ATP2C1: variants seen among roughly 807,000 people sequenced by gnomAD.
ATP2C1 encodes ATPase secretory pathway Ca2+ transporting 1.
Under a neutral mutation model 120.5 loss-of-function variants are expected in ATP2C1, and 31 were observed. The observed-to-expected ratio is 0.26, with a 90% CI of 0.19 to 0.35. ATP2C1 has a LOEUF of 0.35. Among genes scored for constraint, ATP2C1 ranks in the 10% least tolerant of loss-of-function variants. The probability of loss-of-function intolerance (pLI) is 1.00; values close to 1 mark genes in which losing one functional copy is unlikely to be tolerated. For missense variants in ATP2C1, 731 were observed against 1,107.5 expected (o/e 0.66, Z 4.83); for synonymous variants, 351 against 358.7 (o/e 0.98, Z 0.24).
intron 8 of ATP2C1, among the ~76,000 whole-genome samples, chr3:130,946,050 T>C (rs1003958457): frequency 5.3e-5 from 8 of 152,210 alleles, no homozygotes; most frequent in African/African-American, 1.7e-4. Context: ...TTGTGGTTCA[T>C]GTGCTTATAG....
chr3:130,870,327 T>C (rs888165555), intron 1 of ATP2C1, among the ~76,000 whole-genome samples: 1 of 152,226 alleles, frequency 6.6e-6, no homozygotes, highest in Non-Finnish European at 1.5e-5. Flanking sequence ...CTTTCAAGTC[T>C]TATTATTTAA....
At chr3:131,014,382 T>C in intron 26 of ATP2C1, 2 of 1,583,950 alleles carry the variant, frequency 1.3e-6, no homozygotes, top group Non-Finnish European at 1.7e-6. Context: ...GCTTCCACTG[T>C]ACAGTCTGTT....
chr3:130,955,709 G>A, intron 10 of ATP2C1: 1 of 216,674 alleles, frequency 4.6e-6, no homozygotes, highest in Non-Finnish European at 9.3e-6. Flanking sequence ...AGTTGAGGGA[G>A]GATTAAAAGA....
intron 2 of ATP2C1, among the ~76,000 whole-genome samples, chr3:130,907,919 A>G (rs528630140): frequency 1.3e-5 from 2 of 152,198 alleles, no homozygotes; most frequent in East Asian, 3.9e-4. Flanking sequence ...TTTGAGTACT[A>G]TGTTTGGGTG....
chr3:130,945,124 CCTGAGAGGCACTGATGGAG>C (rs1220887922), intron 8 of ATP2C1, among the ~76,000 whole-genome samples: 1 of 152,066 alleles, frequency 6.6e-6, no homozygotes, highest in Non-Finnish European at 1.5e-5. Context: ...CCAGCAGGAG[CCTGAGAGGCACTGATGGAG>C]CTAGGACAGT....
At chr3:130,947,470 C>G (rs986384702) in intron 8 of ATP2C1, among the ~76,000 whole-genome samples, 1 of 152,162 alleles carries the variant, frequency 6.6e-6, no homozygotes, top group African/African-American at 2.4e-5. Context: ...CACTAATCTG[C>G]TTGCCACTGA....
Position 130,883,927 on chromosome 3 carries a change from C to A in ATP2C1, c.108+32999C>A, listed in dbSNP as rs575740375. Reference sequence around the variant, plus strand: ...CTTTCTTAATTTCTTTTCTTTCTTTCTTTCTTTTTCTTTTCTTCTTTTTTT... The same window carrying A: ...CTTTCTTAATTTCTTTTCTTTCTTTATTTCTTTTTCTTTTCTTCTTTTTTT... On this transcript the variant is annotated intron_variant, in intron 1 of 26. Coordinates refer to the ATP2C1 transcript ENST00000504381. Among the ~76,000 whole-genome samples, 652 of 141,302 alleles carry A rather than the reference C, an allele frequency of 4.6e-3. 4 individuals are homozygous for A. Among genetic ancestry groups the A allele is most frequent in the African/African-American group, 0.015 (589 of 38,784 alleles). The allele number at this position is 141,302 out of a possible 152,430, so 92.7% of individuals were successfully genotyped here.
At chr3:130,906,481 G>A (rs989576746) in intron 2 of ATP2C1, among the ~76,000 whole-genome samples, 2 of 152,018 alleles carry the variant, frequency 1.3e-5, no homozygotes, top group African/African-American at 4.8e-5. Flanking sequence ...GAGCATTCAT[G>A]TATGGGTTTT....
At chr3:130,974,542 G>T (rs2061462904) in intron 17 of ATP2C1, among the ~76,000 whole-genome samples, 1 of 152,220 alleles carries the variant, frequency 6.6e-6, no homozygotes, top group Non-Finnish European at 1.5e-5. Flanking sequence ...CCTCCCAGGA[G>T]AACTGGGATA....
intron 2 of ATP2C1, among the ~76,000 whole-genome samples, chr3:130,897,253 G>A (rs1034251167): frequency 2.0e-5 from 3 of 152,150 alleles, no homozygotes; most frequent in African/African-American, 7.2e-5. Flanking sequence ...TACAGAAAAA[G>A]TTAGGGCTCT....
upstream of ATP2C1, among the ~76,000 whole-genome samples, chr3:130,889,406 G>T (rs2069091407): frequency 6.6e-6 from 1 of 152,108 alleles, no homozygotes; most frequent in Non-Finnish European, 1.5e-5. Context: ...AAAATCAAAA[G>T]CACAGGCTCA....
chr3:130,853,992 C>A (rs1162322767), intron 1 of ATP2C1, among the ~76,000 whole-genome samples: 2 of 152,182 alleles, frequency 1.3e-5, no homozygotes, highest in African/African-American at 2.4e-5. Flanking sequence ...TTCACATATG[C>A]TTTATTGTTT....
rs1033849104 is a variant in ATP2C1, at chr3:131,014,449, C to A, written c.2630-1703C>A. 10 of 1,459,214 alleles carry A rather than the reference C, an allele frequency of 6.9e-6. No individual in the cohort carries two copies. In the African/African-American group the frequency reaches 1.3e-4, roughly 19 times the overall value. 90.4% of individuals were successfully genotyped at this position (1,459,214 alleles called of 1,614,324 possible). A position where few individuals can be genotyped will look rare whatever the true frequency, so the allele number is the denominator to read the frequency against. ...GTAATTCAGTGCAACAGGATAACTA[C>A]CATTGACATAGCTTCAACAAATGCA... On this transcript the variant is annotated intron_variant, in intron 26 of 26. Transcript: ENST00000328560.
chr3:130,979,013 G>T (rs188151215), intron 18 of ATP2C1, among the ~76,000 whole-genome samples: 22 of 152,212 alleles, frequency 1.4e-4, no homozygotes, highest in African/African-American at 5.3e-4. Context: ...TGCCTACTCT[G>T]CCCTTCAGTT....
chr3:130,894,058 G>A (rs2107894771), upstream of ATP2C1: 2 of 985,220 alleles, frequency 2.0e-6, no homozygotes, highest in Non-Finnish European at 2.4e-6. The surrounding 1 kb of genome is among the most constrained non-coding windows in gnomAD (Gnocchi z 4.5). Context: ...GGGGAGGGGC[G>A]GAGCGCAGGA....
At position 131,001,305 on chromosome 3, in the gene ATP2C1, CCAGAAG is replaced by C. The variant is rs767919958; in HGVS notation, c.2718_2723del (p.Gln906_Lys907del). 2 of 1,613,496 alleles carry C rather than the reference CCAGAAG, an allele frequency of 1.2e-6. No individual in the cohort carries two copies. The highest frequency in any genetic ancestry group is 1.7e-6 in the Non-Finnish European group (2 of 1,179,622). On this transcript the variant is annotated inframe_deletion, in exon 28 of 28. Coordinates refer to ENST00000510168, the MANE Select transcript of ATP2C1 (RefSeq NM_001378687.1). ...AGGTTGAAAGGAGCAGGGAAAAGAT[CCAGAAG>C]CATGTTAGTTCGACATCATCATCTT...
rs1286861425 is a variant in ATP2C1, at chr3:130,997,749, G to A, written c.2387G>A (p.Arg796His). 3 of 1,613,242 alleles carry A rather than the reference G, an allele frequency of 1.9e-6. No homozygotes were observed. The highest frequency in any genetic ancestry group is 1.7e-5 in the Admixed American group (1 of 60,008). ...IVCGTLFVFW[R>H]ELRDNVITPR... The stretch of plus-strand genomic sequence containing the variant: ...TGTGGGACTTTGTTTGTCTTCTGGC[G>A]TGAGGTATATTCACTGGCCAAGCTG... Residue 796 changes from arginine to histidine, a missense_variant, in exon 25 of 28, where the codon CGT becomes CAT. Physicochemically the swap from Arg to His is conservative, Grantham distance 29. Around this residue, in one of 3 missense-constraint regions of ATP2C1, gnomAD observed 141 missense variants for 201.6 expected, o/e 0.70. Coordinates refer to ENST00000510168, the MANE Select transcript of ATP2C1 (RefSeq NM_001378687.1).
At chr3:130,972,895 A>G (rs1235796283) in intron 17 of ATP2C1, among the ~76,000 whole-genome samples, 1 of 152,096 alleles carries the variant, frequency 6.6e-6, no homozygotes, top group Admixed American at 6.6e-5. Context: ...TATGAAAGCC[A>G]AAGACCAAAC....
chr3:130,996,207 A>G, intron 23 of ATP2C1, 96 bp downstream of exon 23: 1 of 903,318 alleles, frequency 1.1e-6, no homozygotes, highest in Non-Finnish European at 1.8e-6. Flanking sequence ...TCTGCCTTAT[A>G]TTTGTGAGCA....
Sources: gnomAD v4.1 joint callset for allele counts (sites outside exome capture counted in the v4.1 genomes callset) on GRCh38, gnomAD v4.1.1 for gene constraint, gnomAD v4.1.1 regional missense constraint, Gnocchi (gnomAD v3.1) non-coding constraint, MANE v1.5 for transcripts, NCBI Gene and HGNC (gene_info 2026-07-23, HGNC 2026-07-21) for gene names.